IMMP2L: variants seen among roughly 807,000 people sequenced by gnomAD.
The protein encoded by IMMP2L is inner mitochondrial membrane peptidase subunit 2.
Under a neutral mutation model 19.3 loss-of-function variants are expected in IMMP2L, and 18 were observed. The ratio of observed to expected loss-of-function variants is 0.93; its 90% CI spans 0.64 to 1.38. IMMP2L has a LOEUF of 1.38. IMMP2L is among the 40% of genes most tolerant of loss of function. The probability of loss-of-function intolerance (pLI) is 0.00; values close to 1 mark genes in which losing one functional copy is unlikely to be tolerated. For missense variants in IMMP2L, 233 were observed against 218.2 expected, an observed-to-expected ratio of 1.07 and a Z score of -0.43; for synonymous variants, 76 against 73.0, an observed-to-expected ratio of 1.04 and a Z score of -0.21.
intron 5 of IMMP2L, among the ~76,000 whole-genome samples, chr7:110,808,105 A>G (rs1801755057): frequency 6.6e-6 from 1 of 152,110 alleles, no homozygotes; most frequent in Non-Finnish European, 1.5e-5. Flanking sequence ...ACATTTAGTA[A>G]TTACATTTCA....
At chr7:111,227,046 A>T (rs2129622302) in intron 3 of IMMP2L, among the ~76,000 whole-genome samples, 1 of 152,228 alleles carries the variant, frequency 6.6e-6, no homozygotes, top group South Asian at 2.1e-4. Context: ...GGCAATGGAT[A>T]AGAGAAAGAA....
At chr7:111,175,656 C>A (rs1031515482) in intron 3 of IMMP2L, among the ~76,000 whole-genome samples, 1 of 151,508 alleles carries the variant, frequency 6.6e-6, no homozygotes, top group African/African-American at 2.4e-5. Flanking sequence ...AAATCTAAGA[C>A]CTCAATCTAT....
chr7:111,087,762 T>C (rs917985556), intron 3 of IMMP2L, among the ~76,000 whole-genome samples: 2 of 152,150 alleles, frequency 1.3e-5, no homozygotes, highest in African/African-American at 4.8e-5. Flanking sequence ...TAAAGAGTGC[T>C]ATTGTGGGTC....
chr7:110,886,557 C>A (rs779585974), intron 5 of IMMP2L, 36 bp downstream of exon 5: 1 of 1,171,814 alleles, frequency 8.5e-7, no homozygotes, highest in Admixed American at 1.7e-5. Flanking sequence ...CCTTTGAAAT[C>A]CAATTACATC....
At chr7:111,273,286 AT>A (rs1446366747) in intron 3 of IMMP2L, among the ~76,000 whole-genome samples, 1 of 151,964 alleles carries the variant, frequency 6.6e-6, no homozygotes, top group Non-Finnish European at 1.5e-5. Flanking sequence ...CAAAAAAAAA[AT>A]ATATACATAC....
intron 3 of IMMP2L, among the ~76,000 whole-genome samples, chr7:111,066,863 G>A (rs1367435391): frequency 1.3e-5 from 2 of 152,108 alleles, no homozygotes; most frequent in East Asian, 3.9e-4. Context: ...AAGGGTTTTG[G>A]GTTACATGGT....
intron 3 of IMMP2L, among the ~76,000 whole-genome samples, chr7:111,282,447 T>A (rs530795292): frequency 6.6e-6 from 1 of 152,212 alleles, no homozygotes; most frequent in African/African-American, 2.4e-5. Context: ...AGCCAATCAA[T>A]CAGGAAGTTA....
chr7:111,124,476 T>C, intron 3 of IMMP2L: 6 of 1,613,972 alleles, frequency 3.7e-6, no homozygotes, highest in Non-Finnish European at 5.1e-6. Flanking sequence ...CTGCGCAAAG[T>C]GCTCGAATAC....
chr7:111,409,603 T>G (rs187937506), intron 3 of IMMP2L, among the ~76,000 whole-genome samples: 1 of 151,922 alleles, frequency 6.6e-6, no homozygotes, highest in Admixed American at 6.6e-5. Context: ...TTAAATAATC[T>G]TATGGTCTCT....
At chr7:111,500,986 G>A (rs895449581) in intron 2 of IMMP2L, among the ~76,000 whole-genome samples, 18 of 152,294 alleles carry the variant, frequency 1.2e-4, no homozygotes, top group African/African-American at 3.4e-4. Context: ...TGACTTTGAC[G>A]AGTTGAGAGA....
Position 111,489,036 on chromosome 7 carries a change from CTTTTTTTTT to C in IMMP2L, c.136-1704_136-1696del, listed in dbSNP as rs35930780. On this transcript the variant is annotated intron_variant, in intron 2 of 5. Transcript: ENST00000405709. Reference sequence around the variant, plus strand: ...ATTGTCTATTCATGTCCTCAATCCACTTTTTTTTTTTTTTTTTTTTTTTTTGAGATGGAG... The same window carrying C: ...ATTGTCTATTCATGTCCTCAATCCACTTTTTTTTTTTTTTTTGAGATGGAG... Among the ~76,000 whole-genome samples, 503 of 87,206 alleles carry C rather than the reference CTTTTTTTTT, an allele frequency of 5.8e-3. 3 individuals carry two copies. Among genetic ancestry groups the C allele is most frequent in the African/African-American group, 0.025 (485 of 19,322 alleles). The allele number at this position is 87,206 out of a possible 152,430, so 57.2% of individuals were successfully genotyped here. A position where few individuals can be genotyped will look rare whatever the true frequency, so the allele number is the denominator to read the frequency against.
At chr7:110,968,551 T>C in intron 3 of IMMP2L, among the ~76,000 whole-genome samples, 1 of 152,058 alleles carries the variant, frequency 6.6e-6, no homozygotes, top group Admixed American at 6.6e-5. Context: ...CATGTGCCTG[T>C]AGTCCCAGTT....
chr7:110,925,899 G>A (rs1413364480), intron 4 of IMMP2L, among the ~76,000 whole-genome samples: 2 of 152,108 alleles, frequency 1.3e-5, no homozygotes, highest in East Asian at 3.9e-4. Flanking sequence ...ACATGGTTAT[G>A]AACACATAGT....
chr7:111,156,631 G>C (rs1324957644), intron 3 of IMMP2L, among the ~76,000 whole-genome samples: 1 of 152,030 alleles, frequency 6.6e-6, no homozygotes, highest in Non-Finnish European at 1.5e-5. Context: ...GCTTTGAAAT[G>C]TGTGCACAGG....
intron 5 of IMMP2L, among the ~76,000 whole-genome samples, chr7:110,745,694 T>C (rs2130890665): frequency 1.3e-5 from 2 of 152,174 alleles, no homozygotes; most frequent in South Asian, 4.1e-4. Flanking sequence ...TACAGACAAG[T>C]AAATGCTGAG....
intron 5 of IMMP2L, among the ~76,000 whole-genome samples, chr7:110,808,588 G>A (rs957951740): frequency 3.9e-5 from 6 of 152,164 alleles, no homozygotes; most frequent in East Asian, 1.9e-4. Flanking sequence ...AAGAAGAACC[G>A]AAGGTAATCC....
At chr7:110,821,506 G>A (rs1803027785) in intron 5 of IMMP2L, among the ~76,000 whole-genome samples, 1 of 152,102 alleles carries the variant, frequency 6.6e-6, no homozygotes, top group Non-Finnish European at 1.5e-5. Context: ...ACTCTCTGAA[G>A]GATGTTGGGT....
chr7:111,400,455 T>A (rs1457890406), intron 3 of IMMP2L, among the ~76,000 whole-genome samples: 3 of 152,114 alleles, frequency 2.0e-5, no homozygotes, highest in African/African-American at 2.4e-5. Context: ...CACACCCTGC[T>A]GCTACATCTC....
intron 2 of IMMP2L, among the ~76,000 whole-genome samples, chr7:111,506,974 T>G (rs1458655548): frequency 6.6e-6 from 1 of 152,114 alleles, no homozygotes; most frequent in South Asian, 2.1e-4. Flanking sequence ...CCCAAGTAGC[T>G]GGGACTACAG....
Sources: allele counts gnomAD v4.1 joint callset (sites outside exome capture counted in the v4.1 genomes callset), GRCh38; gene constraint gnomAD v4.1.1; transcripts MANE v1.5; gene names NCBI Gene and HGNC (gene_info 2026-07-23, HGNC 2026-07-21).